Variants in RPS3 observed in about 807,000 individuals in gnomAD.
The protein encoded by RPS3 is small ribosomal subunit protein uS3.
In RPS3, 2 loss-of-function variants were observed where a neutral mutation model predicts 25.8. The observed-to-expected ratio is 0.08, with a 90% CI of 0.03 to 0.24. The LOEUF is 0.24. Ranked by LOEUF, RPS3 falls within the 10% of genes least tolerant of loss-of-function variation. The pLI, the probability that RPS3 is intolerant of heterozygous loss-of-function variation, is 1.00. For synonymous variants in RPS3, 114 were observed against 114.2 expected, an observed-to-expected ratio of 1.00 and a Z score of 0.01; for missense variants, 107 against 307.1, an observed-to-expected ratio of 0.35 and a Z score of 4.87.
Position 75,412,946 on chromosome 11 carries a change from A to G in RPS3, c.*3+8078A>G, listed in dbSNP as rs543060705. Among the ~76,000 whole-genome samples the G allele has an allele frequency of 1.1e-4, 16 of 151,874 alleles. No homozygotes were observed. The South Asian group carries it at 2.5e-3, about 24-fold the overall frequency. On this transcript the variant is annotated intron_variant, in intron 6 of 6. Coordinates refer to the RPS3 transcript ENST00000527446. ...GCCACCATACCCAGTTAGTTTTTGTAATTTTTCATAGAGATGGGGTTTCAC... is the reference window on the plus strand; with the variant it reads ...GCCACCATACCCAGTTAGTTTTTGTGATTTTTCATAGAGATGGGGTTTCAC...
At position 75,402,338 on chromosome 11, in the gene RPS3, T is replaced by C; in HGVS notation, c.256-14T>C. 6.2e-7 allele frequency: 1 copy of C among 1,613,042 alleles called. No individual in the cohort carries two copies. Among genetic ancestry groups the C allele is most frequent in the Non-Finnish European group, 8.5e-7 (1 of 1,179,046 alleles). ...ATGGTGATGGTAACAGGATATCCCT[T>C]GCTTCCTTTAAAGCTTTATGCTGAA... On this transcript the variant is annotated splice_polypyrimidine_tract_variant and intron_variant, in intron 3 of 6. Transcript: ENST00000531188.
chr11:75,412,213 A>T (rs533653046), intron 6 of RPS3, among the ~76,000 whole-genome samples: 5 of 152,254 alleles, frequency 3.3e-5, no homozygotes, highest in African/African-American at 1.2e-4. Context: ...GCCTTCCCTG[A>T]TCTGGCTCTT....
At chr11:75,412,587 C>T (rs1948367117) in intron 6 of RPS3, among the ~76,000 whole-genome samples, 2 of 152,176 alleles carry the variant, frequency 1.3e-5, no homozygotes, top group Admixed American at 1.3e-4. Flanking sequence ...CTGCCTCCAC[C>T]CCACCAGTGA....
chr11:75,409,439 C>A (rs1297620958), downstream of RPS3, among the ~76,000 whole-genome samples: 1 of 131,098 alleles, frequency 7.6e-6, no homozygotes, highest in African/African-American at 2.9e-5. Context: ...CATCTTGCAC[C>A]GCCCTTAATC....
chr11:75,402,825 G>A (rs1033316521), intron 4 of RPS3: 9 of 162,814 alleles, frequency 5.5e-5, no homozygotes, highest in Non-Finnish European at 9.4e-5. Context: ...GGTGTGTTAC[G>A]TATCCCTAGG....
At chr11:75,411,720 T>C (rs181883199), downstream of RPS3, among the ~76,000 whole-genome samples, 132 of 152,306 alleles carry the variant, frequency 8.7e-4, no homozygotes, top group African/African-American at 3.1e-3. Context: ...GAGGGAGAGT[T>C]GAAAATGCTT....
intron 6 of RPS3, among the ~76,000 whole-genome samples, chr11:75,414,671 G>A (rs1948382795): frequency 6.6e-6 from 1 of 152,138 alleles, no homozygotes; most frequent in African/African-American, 2.4e-5. Context: ...TTAGGTTCTA[G>A]TCATTAGGTT....
At chr11:75,413,326 A>G (rs1446647075) in intron 6 of RPS3, among the ~76,000 whole-genome samples, 1 of 151,752 alleles carries the variant, frequency 6.6e-6, no homozygotes, top group African/African-American at 2.4e-5. Flanking sequence ...CTGCGATCTC[A>G]GCTCACTGCA....
intron 2 of RPS3, among the ~76,000 whole-genome samples, chr11:75,401,140 C>G (rs984531842): frequency 6.6e-6 from 1 of 152,138 alleles, no homozygotes; most frequent in African/African-American, 2.4e-5. Flanking sequence ...CCTCAGCCTC[C>G]CAAAGTGCTG....
chr11:75,421,531 G>A (rs1424546500), intron 6 of RPS3, among the ~76,000 whole-genome samples: 1 of 152,118 alleles, frequency 6.6e-6, no homozygotes, highest in East Asian at 1.9e-4. Flanking sequence ...TGCCCCTAGA[G>A]CCCCAGGCTT....
chr11:75,404,301 T>A lies in RPS3; in HGVS notation c.538+94T>A. 2 of 1,147,020 alleles carry A rather than the reference T, an allele frequency of 1.7e-6. No homozygotes were observed. The highest frequency in any genetic ancestry group is 2.6e-6 in the Non-Finnish European group (2 of 774,030). 71.1% of individuals were successfully genotyped at this position (1,147,020 alleles called of 1,614,324 possible). On this transcript the variant is annotated intron_variant, in intron 5 of 6. Transcript: ENST00000531188. This position sits in a 1 kb window ranked among gnomAD's most constrained non-coding sequence, Gnocchi z 4.6. ...TATTTGGGGGAGTTTATCATGGAAG[T>A]AGCTGGGCATGTTCATATTCCTTGG...
intron 1 of RPS3, 72 bp from the exon 2 acceptor site, chr11:75,400,622 G>A (rs1323087953): frequency 6.3e-7 from 1 of 1,588,766 alleles, no homozygotes; most frequent in South Asian, 1.1e-5. Context: ...TGACTAATAA[G>A]ACTAGACTGG....
chr11:75,419,888 C>G (rs1034624578), intron 6 of RPS3, among the ~76,000 whole-genome samples: 1 of 152,208 alleles, frequency 6.6e-6, no homozygotes. Flanking sequence ...CCCACCTCGG[C>G]CTCCCTAAGT....
intron 1 of RPS3, chr11:75,400,287 C>A: frequency 2.1e-6 from 1 of 469,840 alleles, no homozygotes; most frequent in South Asian, 1.6e-5. Context: ...AGTCTACTAT[C>A]TATTCCTTAA....
chr11:75,401,807 C>A (rs984289101), intron 3 of RPS3, 74 bp downstream of exon 3: 2 of 860,554 alleles, frequency 2.3e-6, no homozygotes, highest in East Asian at 2.4e-5. Flanking sequence ...AACTTGGAGA[C>A]TTTAATTGTT....
intron 6 of RPS3, among the ~76,000 whole-genome samples, chr11:75,418,920 A>G (rs1439958041): frequency 3.3e-5 from 5 of 152,044 alleles, no homozygotes; most frequent in Non-Finnish European, 5.9e-5. Context: ...GCCTATTCTC[A>G]CAGCCCTTTT....
At chr11:75,402,252 T>C (rs543258854) in intron 3 of RPS3, 100 bp from the exon 4 acceptor site, 9 of 1,571,828 alleles carry the variant, frequency 5.7e-6, no homozygotes, top group Non-Finnish European at 7.0e-6. Flanking sequence ...TTGGGCAAGC[T>C]TGGTGTAGAA....
intron 6 of RPS3, among the ~76,000 whole-genome samples, chr11:75,414,657 A>C (rs1268784971): frequency 1.3e-5 from 2 of 152,178 alleles, no homozygotes; most frequent in African/African-American, 4.8e-5. Flanking sequence ...CAGGCTCTGA[A>C]GAGTTAGGTT....
chr11:75,403,969 T>A lies in RPS3; in HGVS notation c.351-51T>A, dbSNP rs755037653. The A allele has an allele frequency of 7.1e-6, 11 of 1,539,220 alleles. No homozygotes were observed. The South Asian group carries it at 1.2e-4, about 17-fold the overall frequency. The stretch of plus-strand genomic sequence containing the variant: ...AAGTCTTTGTTTTGTTTTTTAAACT[T>A]GGTGGAGGTCCTTGGCAATAACACA... On this transcript the variant is annotated intron_variant, in intron 4 of 6. Transcript: ENST00000531188.
Sources: gnomAD v4.1 joint callset for allele counts (sites outside exome capture counted in the v4.1 genomes callset) on GRCh38, gnomAD v4.1.1 for gene constraint, Gnocchi (gnomAD v3.1) non-coding constraint, MANE v1.5 for transcripts, NCBI Gene and HGNC (gene_info 2026-07-23, HGNC 2026-07-21) for gene names.